The following ZNF512B variants were observed in gnomAD, a reference collection of about 807,000 sequenced individuals.
The protein encoded by ZNF512B is zinc finger protein 512B.
ZNF512B carries 22 observed loss-of-function variants against 87.8 expected under a neutral mutation model. That is an observed-to-expected ratio of 0.25 (90% confidence interval 0.18 to 0.36). ZNF512B has a LOEUF of 0.36. Ranked by LOEUF, ZNF512B falls within the 10% of genes least tolerant of loss-of-function variation. ZNF512B has a pLI of 1.00. For missense variants in ZNF512B, 1,060 were observed against 1,231.6 expected (o/e 0.86, Z 2.09); for synonymous variants, 524 against 490.9 (o/e 1.07, Z -0.89).
chr20:63,963,473 C>T (rs1245619214), intron 10 of ZNF512B, 33 bp from the exon 11 acceptor site: 1 of 1,546,526 alleles, frequency 6.5e-7, no homozygotes, highest in Non-Finnish European at 8.7e-7. Context: ...TGACCCGGCA[C>T]CATCGCCACG....
rs2058883023 is a variant in ZNF512B at position 63,963,622 on chromosome 20, G to C, written c.1694C>G (p.Ala565Gly). The change falls in exon 10 of 17, where the codon GCC becomes GGC. Residue 565 changes from alanine to glycine, a missense_variant. Ala to Gly is a moderately conservative substitution (Grantham distance 60). This residue lies in a region of ZNF512B where 165 missense variants were observed against 173.0 expected (regional missense o/e 0.95). Coordinates refer to ENST00000369888, the MANE Select transcript of ZNF512B (RefSeq NM_020713.3). The part of the protein sequence containing the change: ...LNYHTMAEHS[A>G]KPSDAEASEG... ...GAGCTGGGGGCCCGACGGTACCTTG[G>C]CACTGTGCTCGGCCATAGTGTGGTA... The C allele has an allele frequency of 6.2e-7, 1 of 1,613,450 alleles. No individual in the cohort carries two copies. Among genetic ancestry groups the C allele is most frequent in the Admixed American group, 1.7e-5 (1 of 60,010 alleles).
Position 63,961,333 on chromosome 20 carries a change from G to A in ZNF512B, c.2403C>T (p.Tyr801=). 3 of 1,612,660 alleles carry A rather than the reference G, an allele frequency of 1.9e-6. No individual in the cohort carries two copies. The highest frequency in any genetic ancestry group is 2.5e-6 in the Non-Finnish European group (3 of 1,179,954). The change falls in exon 16 of 17, where the codon TAC becomes TAT. Residue 801 remains tyrosine, a synonymous_variant. Transcript: ENST00000369888. The surrounding 1 kb of genome is among the most constrained non-coding windows in gnomAD (Gnocchi z 6.4). ...CCTCTGCGTGGGTCTTCAGGATGTG[G>A]TATTTGACGCCACTCTCAGAACTGA... ...KEFSSESGVK[Y]HILKTHAENW...
rs746049582 is a variant in ZNF512B at position 63,963,824 on chromosome 20, C to T, written c.1570G>A (p.Val524Met). ...TCNVVTRKTL[V>M]GLKKHMEVCQ... ...ACCTCCATGTGCTTCTTAAGCCCCA[C>T]GAGAGTCTTCCGGGTGACCACGTTG... Residue 524 changes from valine (V) to methionine (M), a missense_variant, in exon 9 of 17, where the codon GTG (valine) becomes ATG (methionine). Transcript: ENST00000369888. The T allele has an allele frequency of 6.1e-5, 98 of 1,612,756 alleles. No homozygotes were observed. Among genetic ancestry groups the T allele is most frequent in the Admixed American group, 1.5e-4 (9 of 60,008 alleles).
chr20:63,957,121 C>T lies in ZNF512B; in HGVS notation c.*2767G>A, dbSNP rs1364996378. 2 of 152,526 alleles carry T rather than the reference C, an allele frequency of 1.3e-5. No homozygotes were observed. The highest frequency in any genetic ancestry group is 1.9e-4 in the East Asian group (1 of 5,194). The allele number at this position is 152,526 out of a possible 1,614,324, so 9.4% of individuals were successfully genotyped here. On this transcript the variant is annotated 3_prime_UTR_variant, in exon 17 of 17. Transcript: ENST00000369888. ...CCCCTCCCGGGGTCAGGCTCACTGG[C>T]TCCTTCCCTTCAGCGCCACCAGGCA...
chr20:63,968,054 G>C (rs2058946205), intron 1 of ZNF512B, 102 bp from the exon 2 acceptor site: 1 of 1,406,562 alleles, frequency 7.1e-7, no homozygotes, highest in African/African-American at 1.4e-5. Flanking sequence ...TCTCTGGTCA[G>C]GGAAGAGGGG....
chr20:63,969,596 G>A (rs1051034419), intron 1 of ZNF512B, among the ~76,000 whole-genome samples: 5 of 147,100 alleles, frequency 3.4e-5, no homozygotes, highest in Non-Finnish European at 7.6e-5. Context: ...GCGCGGGGTG[G>A]GGGGGCGAAG....
intron 14 of ZNF512B, 40 bp from the exon 15 acceptor site, chr20:63,962,044 CA>C: frequency 6.5e-7 from 1 of 1,543,772 alleles, no homozygotes; most frequent in Non-Finnish European, 8.8e-7. Flanking sequence ...CTCTGGTGGG[CA>C]CCCCACACCA....
intron 16 of ZNF512B, among the ~76,000 whole-genome samples, chr20:63,960,443 T>A (rs1297008145): frequency 1.5e-5 from 2 of 130,278 alleles, no homozygotes; most frequent in South Asian, 2.7e-4. Flanking sequence ...CACAGCCTTC[T>A]GGACCAGGCA....
rs753211687 is a variant in ZNF512B, at chr20:63,963,632, C to T, written c.1684G>A (p.Glu562Lys). The T allele has an allele frequency of 3.7e-6, 6 of 1,613,492 alleles. No homozygotes were observed. Among genetic ancestry groups the T allele is most frequent in the East Asian group, 2.2e-5 (1 of 44,900 alleles). The change falls in exon 10 of 17, where the codon GAG (glutamate) becomes AAG (lysine). Residue 562 changes from glutamate (E) to lysine (K), a missense_variant. By Grantham distance (56) the Glu-to-Lys change is moderately conservative. This residue lies in a region of ZNF512B where 37 missense variants were observed against 72.6 expected (regional missense o/e 0.51). Transcript: ENST00000369888. ...KAGLNYHTMAEHSAKPSDAEA... is the reference protein window; with the variant it reads ...KAGLNYHTMAKHSAKPSDAEA... ...CCCGACGGTACCTTGGCACTGTGCT[C>T]GGCCATAGTGTGGTAGTTGAGGCCG...
rs2058955341 is a variant in ZNF512B at position 63,969,103 on chromosome 20, G to A, written c.-3+711C>T. ...TGCCAAGGGGGAGGCCAGTGTCCGGGGACAAAGTTCTCTGGAAGTCCTCAC... is the reference window on the plus strand; with the variant it reads ...TGCCAAGGGGGAGGCCAGTGTCCGGAGACAAAGTTCTCTGGAAGTCCTCAC... On this transcript the variant is annotated intron_variant, in intron 1 of 16. Transcript: ENST00000369888. 6 of 985,272 alleles carry A rather than the reference G, an allele frequency of 6.1e-6. No homozygotes were observed. The South Asian group carries it at 1.4e-4, about 23-fold the overall frequency. 61.0% of individuals were successfully genotyped at this position (985,272 alleles called of 1,614,324 possible).
rs1018284942 is a variant in ZNF512B, at chr20:63,957,584, A to C, written c.*2304T>G. On this transcript the variant is annotated 3_prime_UTR_variant, in exon 17 of 17. Transcript: ENST00000369888. ...CTACCTTAAAGACAAAGGGGGTTAA[A>C]GTGCTAAACATCAAGGTATCCAGGA... The C allele has an allele frequency of 6.5e-6, 1 of 152,756 alleles. No homozygotes were observed. Among genetic ancestry groups the C allele is most frequent in the East Asian group, 1.9e-4 (1 of 5,188 alleles). 9.5% of individuals were successfully genotyped at this position (152,756 alleles called of 1,614,324 possible).
Position 63,960,039 on chromosome 20 carries a change from T to G in ZNF512B, c.2528A>C (p.Lys843Thr). ...CCGCTCCTTGGGCTTTCGGCCCCGC[T>G]TCTTTCCACCTGCCAGATTTTTCTT... ...EKKKNLAGGK[K>T]RGRKPKERTP... Residue 843 changes from lysine (K) to threonine (T), a missense_variant, in exon 17 of 17, where the codon AAG becomes ACG. Physicochemically the swap from Lys to Thr is moderately conservative, Grantham distance 78 (BLOSUM62 -1). Around this residue, in one of 9 missense-constraint regions of ZNF512B, gnomAD observed 253 missense variants for 259.2 expected, o/e 0.98. Transcript: ENST00000369888. The G allele has an allele frequency of 6.2e-7, 1 of 1,613,924 alleles. No individual in the cohort carries two copies. The highest frequency in any genetic ancestry group is 8.5e-7 in the Non-Finnish European group (1 of 1,180,020).
intron 1 of ZNF512B, 36 bp downstream of exon 1, chr20:63,969,778 G>T (rs1382351883): frequency 1.4e-5 from 2 of 140,168 alleles, no homozygotes; most frequent in Non-Finnish European, 3.2e-5. Flanking sequence ...CCGGGGCTGC[G>T]GCCAGAATGG....
rs779488182 is a variant in ZNF512B, at chr20:63,962,541, C to T, written c.2163+46G>A. 21 of 1,576,436 alleles carry T rather than the reference C, an allele frequency of 1.3e-5. No individual in the cohort carries two copies. In the Middle Eastern group the frequency reaches 7.8e-4, roughly 58 times the overall value. ...AAGTCTCAGGCCAAGGCATGCCCCA[C>T]GCAGAGGCCACGGCGCTGTCCACAG... On this transcript the variant is annotated intron_variant, in intron 13 of 16. Transcript: ENST00000369888.
At chr20:63,963,965 A>T (rs767082001) in intron 8 of ZNF512B, 52 bp from the exon 9 acceptor site, 1 of 1,600,848 alleles carries the variant, frequency 6.2e-7, no homozygotes, top group South Asian at 1.1e-5. Flanking sequence ...TGGGTGGCCC[A>T]GACGCCAGGC....
chr20:63,962,330 C>A lies in ZNF512B; in HGVS notation c.2208G>T (p.Leu736=). 6.2e-7 allele frequency: 1 copy of A among 1,612,936 alleles called. No individual in the cohort carries two copies. The highest frequency in any genetic ancestry group is 8.5e-7 in the Non-Finnish European group (1 of 1,179,942). ...TCACTTCATTCTTCCATGCCTCTAG[C>A]AGCTGGGGGTTCAGCGTGGGGAGCC... is the stretch of plus-strand genomic sequence containing the variant. ...RPGLPTLNPQ[L]LEAWKNEVKE... Residue 736 remains leucine (L), a synonymous_variant, in exon 14 of 17, where the codon CTG becomes CTT. Transcript: ENST00000369888.
At position 63,964,116 on chromosome 20, in the gene ZNF512B, T is replaced by C; in HGVS notation, c.1435A>G (p.Thr479Ala). Residue 479 changes from threonine (T) to alanine (A), a missense_variant, in exon 8 of 17, where the codon ACT (threonine) becomes GCT (alanine). Thr to Ala is a moderately conservative substitution (Grantham distance 58). Around this residue, in one of 9 missense-constraint regions of ZNF512B, gnomAD observed 212 missense variants for 207.6 expected, o/e 1.02. Transcript: ENST00000369888. ...GGGGCCGGTGCCTCCTTGCTGACAG[T>C]GATGGGGGCAGCTGGCACCTTCTTC... ...ARKKVPAAPI[T>A]VSKEAPAPVA... The C allele has an allele frequency of 6.2e-7, 1 of 1,609,474 alleles. No individual in the cohort carries two copies. The highest frequency in any genetic ancestry group is 8.5e-7 in the Non-Finnish European group (1 of 1,178,760).
In ZNF512B at chr20:63,962,294, G is replaced by A. The variant is rs745330579; in HGVS notation, c.2244C>T (p.Gly748=). The change falls in exon 14 of 17, where the codon GGC becomes GGT. Residue 748 remains glycine (G), a synonymous_variant. Coordinates refer to ENST00000369888, the MANE Select transcript of ZNF512B (RefSeq NM_020713.3). ...TCACGTCGTTGGGACAGTTGACGTGGCCTTTCTCCTTCACTTCATTCTTCC... is the reference window on the plus strand; with the variant it reads ...TCACGTCGTTGGGACAGTTGACGTGACCTTTCTCCTTCACTTCATTCTTCC... ...EAWKNEVKEK[G]HVNCPNDCCE... is the part of the protein sequence containing the mutation. The A allele has an allele frequency of 5.0e-6, 8 of 1,612,242 alleles. No individual in the cohort carries two copies. The highest frequency in any genetic ancestry group is 6.8e-6 in the Non-Finnish European group (8 of 1,179,904).
At position 63,959,872 on chromosome 20, in the gene ZNF512B, G is replaced by A; in HGVS notation, c.*16C>T. On this transcript the variant is annotated 3_prime_UTR_variant, in exon 17 of 17. Transcript: ENST00000369888. ...GGTGTGGCGGCTGCATGGGGGCCAG[G>A]CCCCACGCACCATGCTCACTTTTCA... 1.3e-6 allele frequency: 2 copies of A among 1,548,654 alleles called. No homozygotes were observed. Among genetic ancestry groups the A allele is most frequent in the Non-Finnish European group, 1.7e-6 (2 of 1,155,194 alleles).
Sources: allele counts gnomAD v4.1 joint callset (sites outside exome capture counted in the v4.1 genomes callset), GRCh38; gene constraint gnomAD v4.1.1; regional missense constraint gnomAD v4.1.1; non-coding constraint Gnocchi (gnomAD v3.1); transcripts MANE v1.5; gene names NCBI Gene and HGNC (gene_info 2026-07-23, HGNC 2026-07-21).